Variants in PARD3B observed in about 807,000 individuals in gnomAD.
The protein encoded by PARD3B is partitioning defective 3 homolog B.
A neutral mutation model predicts 130.2 loss-of-function variants in PARD3B; 103 were observed. That is an observed-to-expected ratio of 0.79 (90% CI 0.67 to 0.93). PARD3B has a LOEUF of 0.93. Among genes scored for constraint, PARD3B ranks in the 40% least tolerant of loss-of-function variants. The pLI, the probability that PARD3B is intolerant of heterozygous loss-of-function variation, is 0.00. For synonymous variants in PARD3B, 583 were observed against 553.2 expected, an observed-to-expected ratio of 1.05 and a Z score of -0.76; for missense variants, 1,609 against 1,499.2, an observed-to-expected ratio of 1.07 and a Z score of -1.21.
chr2:204,599,304 T>G (rs1376092046), intron 1 of PARD3B, among the ~76,000 whole-genome samples: 1 of 151,920 alleles, frequency 6.6e-6, no homozygotes, highest in Non-Finnish European at 1.5e-5. Flanking sequence ...CTAGCTATTA[T>G]TTTGCATCCC....
intron 2 of PARD3B, among the ~76,000 whole-genome samples, chr2:204,863,310 A>T (rs897659541): frequency 2.6e-5 from 4 of 152,250 alleles, no homozygotes; most frequent in Middle Eastern, 3.4e-3. Context: ...CCAGTGCCTC[A>T]TCCTCCACTG....
intron 2 of PARD3B, among the ~76,000 whole-genome samples, chr2:204,816,056 T>C (rs2043135355): frequency 6.6e-6 from 1 of 151,918 alleles, no homozygotes; most frequent in African/African-American, 2.4e-5. Context: ...GTGATAAGGG[T>C]TTTACTATGT....
chr2:205,184,368 G>C (rs2035973498), intron 13 of PARD3B, among the ~76,000 whole-genome samples: 1 of 152,174 alleles, frequency 6.6e-6, no homozygotes, highest in African/African-American at 2.4e-5. Context: ...CACTGTAATA[G>C]ATACAAGTAG....
At chr2:205,243,174 A>G (rs1357430821) in intron 15 of PARD3B, among the ~76,000 whole-genome samples, 2 of 152,202 alleles carry the variant, frequency 1.3e-5, no homozygotes, top group Non-Finnish European at 2.9e-5. Flanking sequence ...CTCAAAAAAA[A>G]AAAAGGAGCT....
In PARD3B at chr2:205,176,838, G is replaced by A. The variant is rs529068512; in HGVS notation, c.1924+261G>A. 6.6e-6 allele frequency among the ~76,000 whole-genome samples: 1 copy of A among 152,026 alleles called. No homozygotes were observed. The highest frequency in any genetic ancestry group is 2.4e-5 in the African/African-American group (1 of 41,390). ...ATGGAGGGTTATATATAAAACAAACGATCACTGGAGAATCAAAGATGGCAA... is the reference window on the plus strand; with the variant it reads ...ATGGAGGGTTATATATAAAACAAACAATCACTGGAGAATCAAAGATGGCAA... On this transcript the variant is annotated intron_variant, in intron 13 of 22. Coordinates refer to ENST00000406610, the MANE Select transcript of PARD3B (RefSeq NM_001302769.2). This position sits in a 1 kb window ranked among gnomAD's most constrained non-coding sequence, Gnocchi z 5.3.
At chr2:205,593,002 T>C (rs768071536) in intron 22 of PARD3B, among the ~76,000 whole-genome samples, 2 of 152,238 alleles carry the variant, frequency 1.3e-5, no homozygotes, top group Non-Finnish European at 2.9e-5. Flanking sequence ...ATACCTTTTT[T>C]ATATACTTTA....
chr2:204,851,956 G>A (rs2044724167), intron 2 of PARD3B, among the ~76,000 whole-genome samples: 2 of 152,158 alleles, frequency 1.3e-5, no homozygotes, highest in Admixed American at 1.3e-4. Context: ...GCCTCCCAAA[G>A]TGTTGGGATT....
intron 18 of PARD3B, among the ~76,000 whole-genome samples, chr2:205,372,267 TC>T (rs1257506344): frequency 6.6e-6 from 1 of 152,230 alleles, no homozygotes; most frequent in African/African-American, 2.4e-5. Flanking sequence ...GTTTTTACCA[TC>T]CCACCAGCAG....
intron 22 of PARD3B, among the ~76,000 whole-genome samples, chr2:205,610,512 A>G (rs1385515527): frequency 6.6e-6 from 1 of 152,162 alleles, no homozygotes; most frequent in African/African-American, 2.4e-5. Context: ...GTTTCCAGTT[A>G]ATCTTGAGTC....
intron 1 of PARD3B, among the ~76,000 whole-genome samples, chr2:204,668,964 A>G (rs34119559): frequency 0.017 from 2,661 of 152,228 alleles, 35 homozygotes; most frequent in Non-Finnish European, 0.028. Flanking sequence ...CCAAAGAGCT[A>G]AAGAATGTGG....
chr2:205,293,737 G>A (rs1448822390), intron 16 of PARD3B: 1 of 152,210 alleles, frequency 6.6e-6, no homozygotes, highest in African/African-American at 2.4e-5. Context: ...AGGAAGTGAA[G>A]CAATTGTGGA....
At chr2:205,431,414 A>C (rs777728986) in intron 19 of PARD3B, among the ~76,000 whole-genome samples, 3 of 152,038 alleles carry the variant, frequency 2.0e-5, no homozygotes, top group Non-Finnish European at 2.9e-5. Context: ...AATGAAACGT[A>C]TATGGGAGCT....
intron 7 of PARD3B, among the ~76,000 whole-genome samples, chr2:205,119,717 G>A (rs2030425700): frequency 6.6e-6 from 1 of 152,092 alleles, no homozygotes; most frequent in African/African-American, 2.4e-5. Flanking sequence ...GGGGGACAGA[G>A]GTTGCGGTGA....
rs775400816 is a variant in PARD3B, at chr2:205,499,286, CGT to C, written c.3045-609_3045-608del. ...ACAGAGAGAAGAACTTGGATTAGCA[CGT>C]TCTACTCTACACCAGCTTCCCCCAC... On this transcript the variant is annotated intron_variant, in intron 20 of 22. Coordinates refer to ENST00000406610, the MANE Select transcript of PARD3B (RefSeq NM_001302769.2). Among the ~76,000 whole-genome samples the C allele has an allele frequency of 3.9e-3, 583 of 150,764 alleles. 5 individuals carry two copies. Among genetic ancestry groups the C allele is most frequent in the Non-Finnish European group, 5.6e-3 (382 of 67,816 alleles).
chr2:205,518,126 C>CA (rs751647772), intron 21 of PARD3B, among the ~76,000 whole-genome samples: 30 of 152,218 alleles, frequency 2.0e-4, no homozygotes, highest in Non-Finnish European at 2.8e-4. Flanking sequence ...AGTTCAGGTC[C>CA]TGAATATCTT....
intron 1 of PARD3B, among the ~76,000 whole-genome samples, chr2:204,602,874 G>C (rs1346770669): frequency 6.6e-6 from 1 of 152,050 alleles, no homozygotes; most frequent in Non-Finnish European, 1.5e-5. Flanking sequence ...GTTTGTGATG[G>C]ATAAGGAGCT....
At chr2:205,369,290 G>A (rs534408016) in intron 18 of PARD3B, among the ~76,000 whole-genome samples, 9 of 152,252 alleles carry the variant, frequency 5.9e-5, no homozygotes, top group East Asian at 1.9e-4. Flanking sequence ...GCTCTCCAGC[G>A]TCTAGTCACC....
chr2:204,563,570 T>G (rs902063812), intron 1 of PARD3B, among the ~76,000 whole-genome samples: 1 of 152,180 alleles, frequency 6.6e-6, no homozygotes, highest in African/African-American at 2.4e-5. Context: ...ATTTCTTATA[T>G]TTTTGCTCCA....
Position 205,380,347 on chromosome 2 carries a change from AATATATAATATATAAAGAATATATATT to A in PARD3B, c.2631-20605_2631-20579del, listed in dbSNP as rs1559033034. ...TATATATAATATATAAAGAATATATAATATATAATATATAAAGAATATATATTATATATAATATATAAAGAATATATA... is the reference window on the plus strand; with the variant it reads ...TATATATAATATATAAAGAATATATAATATATAATATATAAAGAATATATA... On this transcript the variant is annotated intron_variant, in intron 18 of 22. Coordinates refer to ENST00000406610, the MANE Select transcript of PARD3B (RefSeq NM_001302769.2). Among the ~76,000 whole-genome samples the A allele has an allele frequency of 6.7e-4, 11 of 16,306 alleles. 1 individual carries two copies. The highest frequency in any genetic ancestry group is 4.1e-3 in the South Asian group (2 of 486). The allele number at this position is 16,306 out of a possible 152,430, so 10.7% of individuals were successfully genotyped here.
Sources: allele counts gnomAD v4.1 joint callset (sites outside exome capture counted in the v4.1 genomes callset), GRCh38; gene constraint gnomAD v4.1.1; non-coding constraint Gnocchi (gnomAD v3.1); transcripts MANE v1.5; gene names NCBI Gene and HGNC (gene_info 2026-07-23, HGNC 2026-07-21).